The following FTO variants were observed in gnomAD, a reference collection of about 807,000 sequenced individuals.
FTO encodes alpha-ketoglutarate-dependent dioxygenase FTO.
A neutral mutation model predicts 63.9 loss-of-function variants in FTO; 47 were observed. The ratio of observed to expected loss-of-function variants is 0.74; its 90% CI spans 0.58 to 0.94. The LOEUF (loss-of-function observed/expected upper bound fraction) is 0.94. Ranked by LOEUF, FTO falls within the 40% of genes least tolerant of loss-of-function variation. The pLI is 0.00. For synonymous variants in FTO, 207 were observed against 224.4 expected (o/e 0.92, Z 0.69); for missense variants, 562 against 618.1 (o/e 0.91, Z 0.96).
chr16:53,981,641 G>A (rs1282051593), intron 8 of FTO: 2 of 152,314 alleles, frequency 1.3e-5, no homozygotes, highest in African/African-American at 4.8e-5. Context: ...CGGGTGCGGT[G>A]GCTCACACCT....
intron 3 of FTO, among the ~76,000 whole-genome samples, chr16:53,833,278 G>C (rs1000675540): frequency 6.6e-6 from 1 of 152,176 alleles, no homozygotes; most frequent in African/African-American, 2.4e-5. Flanking sequence ...TCCGGTTTCG[G>C]ATATGTCTTT....
intron 1 of FTO, among the ~76,000 whole-genome samples, chr16:53,790,579 C>CAAAAAAAAAAAAAAAAAAAAAAAAGAA (rs34860208): frequency 1.8e-5 from 1 of 55,222 alleles, no homozygotes; most frequent in Non-Finnish European, 3.2e-5. Context: ...CAAAATAAAG[C>CAAAAAAAAAAAAAAAAAAAAAAAAGAA]AAAAAAAAAA....
rs2078992599 is a variant in FTO, at chr16:53,825,897, G to A, written c.157G>A (p.Glu53Lys). Residue 53 changes from glutamate (E) to lysine (K), a missense_variant, in exon 3 of 9, where the codon GAA (glutamate) becomes AAA (lysine). Coordinates refer to ENST00000471389, the MANE Select transcript of FTO (RefSeq NM_001080432.3). The part of the protein sequence containing the change: ...QLKYPKLILR[E>K]ASSVSEELHK... ...GAAATATCCTAAACTAATTCTCCGA[G>A]AAGCCAGCAGTGTATCTGAGGAGCT... 6.2e-7 allele frequency: 1 copy of A among 1,614,126 alleles called. No individual in the cohort carries two copies. The highest frequency in any genetic ancestry group is 8.5e-7 in the Non-Finnish European group (1 of 1,180,038).
intron 7 of FTO, among the ~76,000 whole-genome samples, chr16:53,903,007 G>A (rs2081441595): frequency 6.6e-6 from 1 of 152,294 alleles, no homozygotes; most frequent in Admixed American, 6.5e-5. Context: ...CTACTCGGGA[G>A]GGTGGGGCAG....
At chr16:53,930,221 CTTTTTTT>C (rs1014205147) in intron 7 of FTO, among the ~76,000 whole-genome samples, 3 of 75,692 alleles carry the variant, frequency 4.0e-5, no homozygotes, top group Admixed American at 1.5e-4. Context: ...TGATTATCTT[CTTTTTTT>C]TTTTTTTTTT....
chr16:53,837,126 A>G (rs1292292465), intron 3 of FTO, among the ~76,000 whole-genome samples: 2 of 152,146 alleles, frequency 1.3e-5, no homozygotes, highest in Non-Finnish European at 2.9e-5. Context: ...CTGATTTCAT[A>G]TTTTACTTCA....
chr16:54,029,285 C>T (rs2084779671), intron 8 of FTO, among the ~76,000 whole-genome samples: 1 of 152,192 alleles, frequency 6.6e-6, no homozygotes, highest in Non-Finnish European at 1.5e-5. Context: ...ATGATTTAGA[C>T]AAGGGATAGT....
At chr16:53,883,447 C>T (rs940914372) in intron 6 of FTO, among the ~76,000 whole-genome samples, 2 of 151,918 alleles carry the variant, frequency 1.3e-5, no homozygotes, top group Non-Finnish European at 2.9e-5. Flanking sequence ...ATGGTGAAAC[C>T]CCGTTTCTAC....
chr16:53,993,455 A>G (rs1307890322), intron 8 of FTO: 1 of 152,190 alleles, frequency 6.6e-6, no homozygotes, highest in Non-Finnish European at 1.5e-5. Flanking sequence ...ACTTTACTAA[A>G]ATAAAACATG....
At chr16:53,978,235 G>A (rs1263772493) in intron 8 of FTO, among the ~76,000 whole-genome samples, 1 of 152,060 alleles carries the variant, frequency 6.6e-6, no homozygotes, top group Non-Finnish European at 1.5e-5. Flanking sequence ...ACACCAAATA[G>A]TTACTACCAA....
chr16:53,807,496 G>A (rs929138581), intron 1 of FTO, among the ~76,000 whole-genome samples: 20 of 152,156 alleles, frequency 1.3e-4, no homozygotes, highest in Admixed American at 1.0e-3. Context: ...GGCACTTGTC[G>A]ACCTATGGGA....
At chr16:54,049,412 T>A (rs2085262197) in intron 8 of FTO, among the ~76,000 whole-genome samples, 1 of 152,192 alleles carries the variant, frequency 6.6e-6, no homozygotes, top group Admixed American at 6.5e-5. Flanking sequence ...CATGTGTGTG[T>A]GGTCACCCAG....
At chr16:53,978,802 G>T (rs1331588686) in intron 8 of FTO, among the ~76,000 whole-genome samples, 1 of 152,106 alleles carries the variant, frequency 6.6e-6, no homozygotes, top group African/African-American at 2.4e-5. Context: ...TTTGAGACCA[G>T]CCTGGCCAAC....
intron 8 of FTO, among the ~76,000 whole-genome samples, chr16:54,102,749 C>A (rs964870952): frequency 1.3e-5 from 2 of 152,170 alleles, no homozygotes; most frequent in Non-Finnish European, 2.9e-5. Context: ...GTACCGCCTG[C>A]ACTGTCTCCT....
intron 3 of FTO, among the ~76,000 whole-genome samples, chr16:53,838,425 C>G (rs890987106): frequency 5.3e-5 from 8 of 152,088 alleles, no homozygotes; most frequent in African/African-American, 1.9e-4. Context: ...ATTCTCCTGC[C>G]TCAGCCTTCT....
intron 8 of FTO, among the ~76,000 whole-genome samples, chr16:54,050,451 T>C (rs1466782959): frequency 2.0e-5 from 3 of 152,118 alleles, no homozygotes. Context: ...AGATAATAGC[T>C]TACATCTTTA....
At chr16:53,968,458 A>G (rs1199539139) in intron 8 of FTO, among the ~76,000 whole-genome samples, 4 of 152,228 alleles carry the variant, frequency 2.6e-5, no homozygotes, top group African/African-American at 9.6e-5. Flanking sequence ...ACCCTCCTCC[A>G]GAAATTCTGG....
At chr16:53,844,816 A>G (rs1037663805) in intron 4 of FTO, among the ~76,000 whole-genome samples, 3 of 152,040 alleles carry the variant, frequency 2.0e-5, no homozygotes, top group Non-Finnish European at 4.4e-5. Context: ...ATGCTAAACA[A>G]TTTTCTGGAT....
rs112549639 is a variant in FTO, at chr16:53,919,946, T to C, written c.1240-14039T>C. The stretch of plus-strand genomic sequence containing the variant: ...GAATCACCACTAAAGAATTTATTCA[T>C]GTAACCAAACACCACCTGTTTCCCA... On this transcript the variant is annotated intron_variant, in intron 7 of 8. Coordinates refer to ENST00000471389, the MANE Select transcript of FTO (RefSeq NM_001080432.3). Among the ~76,000 whole-genome samples, 614 of 152,326 alleles carry C rather than the reference T, an allele frequency of 4.0e-3. 4 individuals are homozygous for C. Among genetic ancestry groups the C allele is most frequent in the African/African-American group, 0.014 (586 of 41,580 alleles).
Sources: gnomAD v4.1 joint callset for allele counts (sites outside exome capture counted in the v4.1 genomes callset) on GRCh38, gnomAD v4.1.1 for gene constraint, MANE v1.5 for transcripts, NCBI Gene and HGNC (gene_info 2026-07-23, HGNC 2026-07-21) for gene names.